TXLNB: variants seen among roughly 807,000 people sequenced by gnomAD.
The protein encoded by TXLNB is beta-taxilin.
In TXLNB, 37 loss-of-function variants were observed where a neutral mutation model predicts 57.4. The observed-to-expected ratio is 0.64, with a 90% CI of 0.50 to 0.85. The LOEUF is 0.85. TXLNB is among the 40% of genes least tolerant of loss of function. The probability of loss-of-function intolerance (pLI) is 0.00; values close to 1 mark genes in which losing one functional copy is unlikely to be tolerated. For synonymous variants in TXLNB, 302 were observed against 309.6 expected (o/e 0.98, Z 0.26); for missense variants, 848 against 825.6 (o/e 1.03, Z -0.33).
At chr6:139,185,354 A>G in the TXLNB span, among the ~76,000 whole-genome samples, 1 of 152,202 alleles carries the variant, frequency 6.6e-6, no homozygotes, top group African/African-American at 2.4e-5. Flanking sequence ...ATGAAAACAA[A>G]TGAATTACCT....
At chr6:139,194,101 A>G in the TXLNB span, among the ~76,000 whole-genome samples, 4 of 151,772 alleles carry the variant, frequency 2.6e-5, no homozygotes, top group Admixed American at 2.6e-4. Context: ...TCGGCCTCCC[A>G]AAGTGTAATT....
At chr6:139,255,342 C>T (rs1261998940) in intron 7 of TXLNB, 2 of 578,554 alleles carry the variant, frequency 3.5e-6, no homozygotes, top group Non-Finnish European at 6.6e-6. Flanking sequence ...AAACCTTTGA[C>T]TGGATGTTGC....
chr6:139,173,023 G>C, the TXLNB span, among the ~76,000 whole-genome samples: 7 of 152,192 alleles, frequency 4.6e-5, no homozygotes, highest in Non-Finnish European at 8.8e-5. Context: ...ACCTGGGAAT[G>C]TTTGGGAATT....
chr6:139,191,140 C>T, the TXLNB span, among the ~76,000 whole-genome samples: 2 of 152,038 alleles, frequency 1.3e-5, no homozygotes, highest in Admixed American at 6.5e-5. Context: ...GTTTATCTGG[C>T]CAGGCGCGGT....
At chr6:139,252,883 C>T (rs1182057732) in intron 7 of TXLNB, among the ~76,000 whole-genome samples, 3 of 152,062 alleles carry the variant, frequency 2.0e-5, no homozygotes, top group Non-Finnish European at 4.4e-5. Context: ...CCCGGCTACT[C>T]GGGAGGCTGA....
At chr6:139,251,522 G>A (rs1776204831) in intron 7 of TXLNB, 1 of 152,278 alleles carries the variant, frequency 6.6e-6, no homozygotes, top group East Asian at 1.9e-4. Context: ...CTATCGTGCT[G>A]ACAGGATACA....
downstream of TXLNB, chr6:139,239,794 G>A (rs919595218): frequency 2.6e-5 from 4 of 152,138 alleles, no homozygotes; most frequent in Non-Finnish European, 5.9e-5. The surrounding 1 kb of genome is among the most constrained non-coding windows in gnomAD (Gnocchi z 4.7). Context: ...ACCATGCCTG[G>A]CCTCCGTGAT....
intron 7 of TXLNB, among the ~76,000 whole-genome samples, 192 bp from the exon 8 acceptor site, chr6:139,248,101 G>A (rs916208978): frequency 6.6e-6 from 1 of 152,132 alleles, no homozygotes; most frequent in Admixed American, 6.6e-5. Context: ...TAGTCTGGGC[G>A]CAGTGGCTCA....
downstream of TXLNB, among the ~76,000 whole-genome samples, chr6:139,235,866 G>A (rs984210961): frequency 5.3e-5 from 8 of 152,156 alleles, no homozygotes; most frequent in South Asian, 2.1e-4. Flanking sequence ...ACACATCAGC[G>A]GAAGAACGCA....
At chr6:139,250,044 T>C (rs1776159247) in intron 7 of TXLNB, among the ~76,000 whole-genome samples, 1 of 151,894 alleles carries the variant, frequency 6.6e-6, no homozygotes, top group Non-Finnish European at 1.5e-5. Context: ...AGAGACAGTC[T>C]GATTCTGTCA....
At chr6:139,249,114 A>G (rs898495173) in intron 7 of TXLNB, among the ~76,000 whole-genome samples, 1 of 152,254 alleles carries the variant, frequency 6.6e-6, no homozygotes, top group Non-Finnish European at 1.5e-5. Flanking sequence ...ATGGCTCACC[A>G]TGGAGATATA....
At chr6:139,320,641 ATT>A in the TXLNB span, among the ~76,000 whole-genome samples, 418 of 147,282 alleles carry the variant, frequency 2.8e-3, 1 homozygote, top group African/African-American at 9.4e-3. Context: ...ATATAATCTC[ATT>A]TTTTTTTTTT....
the TXLNB span, among the ~76,000 whole-genome samples, chr6:139,319,760 G>A: frequency 6.6e-6 from 1 of 151,940 alleles, no homozygotes; most frequent in African/African-American, 2.4e-5. Context: ...GTGAGACCCT[G>A]TCTCTAAAAA....
At chr6:139,185,486 G>C in the TXLNB span, among the ~76,000 whole-genome samples, 1 of 152,162 alleles carries the variant, frequency 6.6e-6, no homozygotes, top group Non-Finnish European at 1.5e-5. Context: ...CGGATCATGA[G>C]GTCATGAGAT....
the TXLNB span, among the ~76,000 whole-genome samples, chr6:139,210,850 G>A: frequency 5.2e-4 from 79 of 152,254 alleles, no homozygotes; most frequent in Admixed American, 8.5e-4. Flanking sequence ...CGCCTAGCTC[G>A]GAGGGTCCTA....
chr6:139,233,211 T>C, the TXLNB span, among the ~76,000 whole-genome samples: 14 of 151,696 alleles, frequency 9.2e-5, no homozygotes, highest in African/African-American at 1.4e-4. Context: ...ATTCAAATAA[T>C]TTAAAATGCA....
At chr6:139,166,072 C>T in the TXLNB span, 1 of 497,006 alleles carries the variant, frequency 2.0e-6, no homozygotes, top group Non-Finnish European at 3.5e-6. Flanking sequence ...CGTTGAAGGT[C>T]CTTTTTAGAG....
At chr6:139,204,212 A>G in the TXLNB span, among the ~76,000 whole-genome samples, 1 of 152,088 alleles carries the variant, frequency 6.6e-6, no homozygotes, top group African/African-American at 2.4e-5. Context: ...TAGGGCTACC[A>G]TGCCCGGCTA....
At chr6:139,266,618 T>C (rs984623291) in intron 4 of TXLNB, among the ~76,000 whole-genome samples, 1 of 151,964 alleles carries the variant, frequency 6.6e-6, no homozygotes, top group African/African-American at 2.4e-5. Flanking sequence ...TATCAAAAGG[T>C]CTACACACAC....
Sources: allele counts gnomAD v4.1 joint callset (sites outside exome capture counted in the v4.1 genomes callset), GRCh38; gene constraint gnomAD v4.1.1; non-coding constraint Gnocchi (gnomAD v3.1); transcripts MANE v1.5; gene names NCBI Gene and HGNC (gene_info 2026-07-23, HGNC 2026-07-21).